Variants in GPC6 observed in about 807,000 individuals in gnomAD.
GPC6 encodes the protein glypican 6.
In GPC6, 14 loss-of-function variants were observed where a neutral mutation model predicts 55.2. The observed-to-expected ratio is 0.25, with a 90% CI of 0.17 to 0.40. GPC6 has a LOEUF of 0.40. Ranked by LOEUF, GPC6 falls within the 10% of genes least tolerant of loss-of-function variation. The pLI, the probability that GPC6 is intolerant of heterozygous loss-of-function variation, is 1.00. For synonymous variants in GPC6, 278 were observed against 259.6 expected, an observed-to-expected ratio of 1.07 and a Z score of -0.68; for missense variants, 641 against 708.5, an observed-to-expected ratio of 0.90 and a Z score of 1.08.
At chr13:93,569,805 A>G (rs1241878729) in intron 2 of GPC6, among the ~76,000 whole-genome samples, 1 of 152,096 alleles carries the variant, frequency 6.6e-6, no homozygotes, top group African/African-American at 2.4e-5. Context: ...AATATAGGTG[A>G]TAAAGTTACC....
chr13:94,372,972 A>C (rs917544581), intron 6 of GPC6, among the ~76,000 whole-genome samples: 12 of 152,320 alleles, frequency 7.9e-5, no homozygotes, highest in Middle Eastern at 3.4e-3. Flanking sequence ...CTCACACGGC[A>C]GGGTATTCCA....
chr13:93,227,337 G>T lies in GPC6; in HGVS notation c.-120G>T, dbSNP rs1250240255. 13 of 944,040 alleles carry T rather than the reference G, an allele frequency of 1.4e-5. No homozygotes were observed. Among genetic ancestry groups the T allele is most frequent in the South Asian group, 6.2e-5 (4 of 64,808 alleles). 58.5% of individuals were successfully genotyped at this position (944,040 alleles called of 1,614,324 possible). A position where few individuals can be genotyped will look rare whatever the true frequency, so the allele number is the denominator to read the frequency against. On this transcript the variant is annotated 5_prime_UTR_variant, in exon 1 of 9. Transcript: ENST00000377047. The surrounding 1 kb of genome is among the most constrained non-coding windows in gnomAD (Gnocchi z 4.3). ...GCTCGTCCCCTCGGCTGGCAGAAGG[G>T]GGTGACGCTGGGCAGCGGCGAGGAG...
At chr13:93,272,194 T>G (rs1877553238) in intron 1 of GPC6, among the ~76,000 whole-genome samples, 1 of 152,074 alleles carries the variant, frequency 6.6e-6, no homozygotes, top group South Asian at 2.1e-4. Context: ...ATTTCTGAAA[T>G]GTGACTAGTT....
intron 7 of GPC6, among the ~76,000 whole-genome samples, chr13:94,397,225 G>A (rs1880933243): frequency 6.6e-6 from 1 of 151,998 alleles, no homozygotes; most frequent in South Asian, 2.1e-4. Flanking sequence ...AGAGAAATGG[G>A]AAATGGGAAA....
intron 1 of GPC6, among the ~76,000 whole-genome samples, chr13:93,261,082 CA>C (rs1877129654): frequency 6.6e-6 from 1 of 152,176 alleles, no homozygotes; most frequent in South Asian, 2.1e-4. Flanking sequence ...CCTCTAGACC[CA>C]AGGACCTAGA....
At chr13:93,285,928 G>A (rs543683094) in intron 1 of GPC6, among the ~76,000 whole-genome samples, 51 of 152,114 alleles carry the variant, frequency 3.4e-4, no homozygotes, top group African/African-American at 1.2e-3. Flanking sequence ...GAGATAATAG[G>A]CATATTTAAA....
At chr13:93,969,887 G>A (rs1481680382) in intron 3 of GPC6, among the ~76,000 whole-genome samples, 2 of 151,976 alleles carry the variant, frequency 1.3e-5, no homozygotes, top group African/African-American at 2.4e-5. Flanking sequence ...TCCACGTTGC[G>A]CAAATGACAG....
At chr13:93,501,488 A>G (rs1880518736) in intron 1 of GPC6, among the ~76,000 whole-genome samples, 1 of 152,134 alleles carries the variant, frequency 6.6e-6, no homozygotes, top group Non-Finnish European at 1.5e-5. Flanking sequence ...CAGACTGTCA[A>G]AGTTGACATA....
At chr13:94,116,502 G>A (rs1886433810) in intron 4 of GPC6, among the ~76,000 whole-genome samples, 1 of 152,048 alleles carries the variant, frequency 6.6e-6, no homozygotes, top group Non-Finnish European at 1.5e-5. Flanking sequence ...TAAAAGGTGG[G>A]CAGGCTTTTA....
rs1887478289 is a variant in GPC6, at chr13:94,144,195, C to T, written c.877+116301C>T. ...AGAGTCACCCAGCAGCAAGCAAGTA[C>T]CTGTAACCACAGAGGGCAGGGTCTG... On this transcript the variant is annotated intron_variant, in intron 4 of 8. Transcript: ENST00000377047. Among the ~76,000 whole-genome samples, 4 of 152,032 alleles carry T rather than the reference C, an allele frequency of 2.6e-5. No homozygotes were observed. The South Asian group carries it at 8.3e-4, about 32-fold the overall frequency.
chr13:94,091,841 T>A (rs1235723890), intron 4 of GPC6, among the ~76,000 whole-genome samples: 1 of 151,906 alleles, frequency 6.6e-6, no homozygotes, highest in African/African-American at 2.4e-5. Context: ...TTTAATTCCT[T>A]TCCTCACTAT....
chr13:94,375,228 A>AAAT (rs894044427), intron 6 of GPC6, among the ~76,000 whole-genome samples: 2 of 152,104 alleles, frequency 1.3e-5, no homozygotes, highest in Non-Finnish European at 2.9e-5. Context: ...GAACTGAAGG[A>AAAT]AATAGAGACA....
chr13:93,522,090 A>G (rs1192428383), intron 1 of GPC6, among the ~76,000 whole-genome samples: 2 of 151,946 alleles, frequency 1.3e-5, no homozygotes, highest in South Asian at 2.1e-4. Flanking sequence ...AAACAAGTCA[A>G]AATGATTGCT....
chr13:93,937,660 C>T (rs890167050), intron 3 of GPC6, among the ~76,000 whole-genome samples: 3 of 152,110 alleles, frequency 2.0e-5, no homozygotes, highest in Admixed American at 2.0e-4. Context: ...CTCACTGCAA[C>T]CTCTGCCTCC....
At chr13:93,269,750 C>T (rs554460948) in intron 1 of GPC6, among the ~76,000 whole-genome samples, 2 of 141,020 alleles carry the variant, frequency 1.4e-5, no homozygotes, top group South Asian at 2.3e-4. Context: ...ACGGTGAAAC[C>T]CCATCTCTAC....
chr13:93,996,881 A>G (rs1881580731), intron 3 of GPC6, among the ~76,000 whole-genome samples: 1 of 152,176 alleles, frequency 6.6e-6, no homozygotes, highest in African/African-American at 2.4e-5. Flanking sequence ...AGGACATCTA[A>G]ATTAGAAGAA....
intron 1 of GPC6, among the ~76,000 whole-genome samples, chr13:93,403,815 G>T (rs148128294): frequency 6.6e-6 from 1 of 151,872 alleles, no homozygotes; most frequent in Non-Finnish European, 1.5e-5. Flanking sequence ...GTCATTTTAT[G>T]AATTACATAT....
At chr13:94,211,676 C>T (rs1890083488) in intron 4 of GPC6, among the ~76,000 whole-genome samples, 1 of 152,156 alleles carries the variant, frequency 6.6e-6, no homozygotes, top group South Asian at 2.1e-4. Context: ...CTTACGTGGT[C>T]TGTCCAAAGT....
chr13:94,159,419 C>A (rs1252107956), intron 4 of GPC6, among the ~76,000 whole-genome samples: 1 of 152,140 alleles, frequency 6.6e-6, no homozygotes, highest in African/African-American at 2.4e-5. Context: ...AGAAGGCAAA[C>A]TGCAAATCTT....
Sources: allele counts gnomAD v4.1 joint callset (sites outside exome capture counted in the v4.1 genomes callset), GRCh38; gene constraint gnomAD v4.1.1; non-coding constraint Gnocchi (gnomAD v3.1); transcripts MANE v1.5; gene names NCBI Gene and HGNC (gene_info 2026-07-23, HGNC 2026-07-21).